The following TLE1 variants were observed in gnomAD, a reference collection of about 807,000 sequenced individuals.
The protein encoded by TLE1 is TLE family member 1, transcriptional corepressor.
TLE1 carries 21 observed loss-of-function variants against 89.8 expected under a neutral mutation model. The ratio of observed to expected loss-of-function variants is 0.23; its 90% CI spans 0.17 to 0.34. The LOEUF (loss-of-function observed/expected upper bound fraction) is 0.34, where lower values mean the gene tolerates loss of function less well. Ranked by LOEUF, TLE1 falls within the 10% of genes least tolerant of loss-of-function variation. The pLI is 1.00. For missense variants in TLE1, 795 were observed against 1,031.2 expected (o/e 0.77, Z 3.14); for synonymous variants, 447 against 407.6 (o/e 1.10, Z -1.16).
At chr9:81,631,681 A>C (rs557598574) in intron 8 of TLE1, among the ~76,000 whole-genome samples, 1 of 152,362 alleles carries the variant, frequency 6.6e-6, no homozygotes, top group African/African-American at 2.4e-5. Flanking sequence ...GAAGTCCCAA[A>C]GCTAGAATAA....
chr9:81,658,970 G>A (rs1830455714), intron 4 of TLE1, among the ~76,000 whole-genome samples: 1 of 151,714 alleles, frequency 6.6e-6, no homozygotes, highest in Non-Finnish European at 1.5e-5. Context: ...GTACAGTGGA[G>A]CCATCTTAGC....
intron 4 of TLE1, among the ~76,000 whole-genome samples, chr9:81,666,401 A>G (rs1255321020): frequency 1.3e-5 from 2 of 152,188 alleles, no homozygotes; most frequent in African/African-American, 4.8e-5. Context: ...ATACCACACA[A>G]TGGCAGGATT....
chr9:81,642,700 T>C (rs954682112), intron 6 of TLE1, among the ~76,000 whole-genome samples: 2 of 58,942 alleles, frequency 3.4e-5, no homozygotes, highest in African/African-American at 9.0e-5. Flanking sequence ...TCTCAAAAAA[T>C]GAAAGAAAAG....
chr9:81,644,594 G>A (rs574807845), intron 6 of TLE1, among the ~76,000 whole-genome samples: 2 of 152,196 alleles, frequency 1.3e-5, no homozygotes, highest in African/African-American at 2.4e-5. Context: ...TAATGAATAC[G>A]GAGTTTCTTT....
intron 8 of TLE1, among the ~76,000 whole-genome samples, chr9:81,623,335 AC>A (rs1243875180): frequency 6.6e-6 from 1 of 152,112 alleles, no homozygotes; most frequent in Non-Finnish European, 1.5e-5. Context: ...CAGAGACTAA[AC>A]CTGGGTATTG....
At chr9:81,625,790 A>C (rs1825820753) in intron 8 of TLE1, among the ~76,000 whole-genome samples, 1 of 152,076 alleles carries the variant, frequency 6.6e-6, no homozygotes, top group Non-Finnish European at 1.5e-5. Context: ...CAGCCACTTC[A>C]ATAAGGATAA....
intron 4 of TLE1, among the ~76,000 whole-genome samples, chr9:81,673,337 C>T (rs1160751519): frequency 2.1e-5 from 3 of 146,108 alleles, no homozygotes; most frequent in African/African-American, 7.6e-5. Flanking sequence ...CCTTTTAAGC[C>T]TAAAGATAAA....
chr9:81,617,271 G>A (rs1348206694), intron 9 of TLE1, among the ~76,000 whole-genome samples: 2 of 152,084 alleles, frequency 1.3e-5, no homozygotes, highest in Non-Finnish European at 2.9e-5. Flanking sequence ...AAGTATTTTT[G>A]GAAAGATAAT....
chr9:81,666,808 T>TAAAA (rs1181713745), intron 4 of TLE1, among the ~76,000 whole-genome samples: 11 of 133,070 alleles, frequency 8.3e-5, no homozygotes, highest in African/African-American at 2.9e-4. Flanking sequence ...AATAAATAAA[T>TAAAA]AAAATAAAAT....
At chr9:81,680,343 G>A (rs1833454915) in intron 4 of TLE1, among the ~76,000 whole-genome samples, 1 of 152,190 alleles carries the variant, frequency 6.6e-6, no homozygotes, top group Non-Finnish European at 1.5e-5. Flanking sequence ...AGGCAAGGGA[G>A]GTGCTGTGGC....
intron 14 of TLE1, among the ~76,000 whole-genome samples, chr9:81,602,304 C>T (rs575140471): frequency 1.3e-5 from 2 of 152,206 alleles, no homozygotes; most frequent in South Asian, 4.1e-4. Context: ...AAGGGCACGT[C>T]GGTTTATACA....
In TLE1 at chr9:81,584,178, C is replaced by A. The variant is rs897954395; in HGVS notation, c.*20G>T. On this transcript the variant is annotated 3_prime_UTR_variant, in exon 20 of 20. Transcript: ENST00000376499. ...CATTTTGGCCCAATTCAACTATAAACGTTAAACCACATAATGTTTTCAGTA... is the reference window on the plus strand; with the variant it reads ...CATTTTGGCCCAATTCAACTATAAAAGTTAAACCACATAATGTTTTCAGTA... 1 of 1,598,780 alleles carries A rather than the reference C, an allele frequency of 6.3e-7. No homozygotes were observed. Among genetic ancestry groups the A allele is most frequent in the Admixed American group, 1.7e-5 (1 of 59,928 alleles).
At chr9:81,633,284 G>T in intron 8 of TLE1, 64 bp downstream of exon 8, 1 of 1,568,778 alleles carries the variant, frequency 6.4e-7, no homozygotes, top group Non-Finnish European at 8.7e-7. Flanking sequence ...TGTCAGAAGG[G>T]GACCGTGTGT....
chr9:81,685,198 T>C (rs546034770), intron 4 of TLE1, among the ~76,000 whole-genome samples: 1 of 151,302 alleles, frequency 6.6e-6, no homozygotes, highest in South Asian at 2.1e-4. Context: ...TATTGCTTCA[T>C]GCAGCCCCAA....
chr9:81,671,301 C>T (rs1472289392), intron 4 of TLE1, among the ~76,000 whole-genome samples: 1 of 152,010 alleles, frequency 6.6e-6, no homozygotes, highest in Non-Finnish European at 1.5e-5. Context: ...ATTGCTTGAG[C>T]CCTGGAGTTC....
intron 5 of TLE1, among the ~76,000 whole-genome samples, chr9:81,652,871 T>C (rs1829728998): frequency 6.6e-6 from 1 of 152,310 alleles, no homozygotes; most frequent in East Asian, 1.9e-4. Flanking sequence ...TCAACCAATC[T>C]TGACCCACCA....
At chr9:81,641,992 A>AG (rs1828184343) in intron 6 of TLE1, among the ~76,000 whole-genome samples, 1 of 152,170 alleles carries the variant, frequency 6.6e-6, no homozygotes, top group African/African-American at 2.4e-5. Flanking sequence ...ATTGCACTCC[A>AG]GCCTGGGCAA....
intron 4 of TLE1, among the ~76,000 whole-genome samples, chr9:81,667,896 G>T (rs1279093910): frequency 6.6e-6 from 1 of 152,202 alleles, no homozygotes; most frequent in Non-Finnish European, 1.5e-5. Flanking sequence ...GGGCGTGATG[G>T]CTCACACCTG....
At chr9:81,675,318 T>G (rs1172923707) in intron 4 of TLE1, among the ~76,000 whole-genome samples, 5 of 145,050 alleles carry the variant, frequency 3.4e-5, no homozygotes, top group Non-Finnish European at 7.6e-5. Flanking sequence ...GAAGACACTA[T>G]GTAAAGACTA....
Sources: allele counts gnomAD v4.1 joint callset (sites outside exome capture counted in the v4.1 genomes callset), GRCh38; gene constraint gnomAD v4.1.1; transcripts MANE v1.5; gene names NCBI Gene and HGNC (gene_info 2026-07-23, HGNC 2026-07-21).